TAOK3: variants seen among roughly 807,000 people sequenced by gnomAD.
TAOK3 encodes serine/threonine-protein kinase TAO3.
TAOK3 carries 40 observed loss-of-function variants against 120.4 expected under a neutral mutation model. The observed-to-expected ratio is 0.33, with a 90% confidence interval of 0.26 to 0.43. The LOEUF (loss-of-function observed/expected upper bound fraction) is 0.43. Ranked by LOEUF, TAOK3 falls within the 20% of genes least tolerant of loss-of-function variation. The pLI is 1.00. For synonymous variants in TAOK3, 355 were observed against 387.5 expected, an observed-to-expected ratio of 0.92 and a Z score of 0.99; for missense variants, 821 against 1,112.1, an observed-to-expected ratio of 0.74 and a Z score of 3.72.
chr12:118,273,687 A>C (rs1210267517), intron 1 of TAOK3, among the ~76,000 whole-genome samples: 9 of 151,832 alleles, frequency 5.9e-5, no homozygotes, highest in South Asian at 4.2e-4. Flanking sequence ...GTGGTGGCGC[A>C]TACCTATAAT....
chr12:118,255,982 G>A (rs979503133), intron 2 of TAOK3: 1 of 152,990 alleles, frequency 6.5e-6, no homozygotes, highest in Admixed American at 6.5e-5. Context: ...TACTAGGGAG[G>A]CTGAGGCAGG....
intron 1 of TAOK3, among the ~76,000 whole-genome samples, chr12:118,368,890 G>A (rs2045819192): frequency 6.6e-6 from 1 of 151,294 alleles, no homozygotes; most frequent in South Asian, 2.1e-4. Context: ...GAGGATAGTG[G>A]GTTTATGCCT....
chr12:118,177,351 T>C (rs922785038), intron 15 of TAOK3, 22 bp from the exon 16 acceptor site: 2 of 1,611,330 alleles, frequency 1.2e-6, no homozygotes, highest in African/African-American at 1.3e-5. Context: ...ACAAATACAA[T>C]GTAGGATGAA....
intron 3 of TAOK3, chr12:118,246,221 A>C: frequency 6.9e-7 from 1 of 1,452,252 alleles, no homozygotes; most frequent in East Asian, 2.4e-5. Flanking sequence ...GCCGGGGCCG[A>C]GGCCGCGGAG....
intron 5 of TAOK3, among the ~76,000 whole-genome samples, 177 bp from the exon 6 acceptor site, chr12:118,239,449 C>T (rs145361107): frequency 8.9e-4 from 135 of 152,272 alleles, no homozygotes; most frequent in African/African-American, 3.0e-3. Flanking sequence ...TTTTCATCAT[C>T]TCAGTTTTTA....
chr12:118,370,529 C>T (rs1445968205), intron 1 of TAOK3, among the ~76,000 whole-genome samples: 2 of 152,252 alleles, frequency 1.3e-5, no homozygotes, highest in East Asian at 1.9e-4. Flanking sequence ...CACTATTTTC[C>T]TAAAACCATC....
intron 9 of TAOK3, among the ~76,000 whole-genome samples, chr12:118,222,573 C>A (rs547515230): frequency 1.3e-5 from 2 of 151,562 alleles, no homozygotes; most frequent in South Asian, 4.2e-4. Context: ...TATATATACA[C>A]CATGGAGTAC....
intron 1 of TAOK3, among the ~76,000 whole-genome samples, chr12:118,367,482 C>T (rs1260089451): frequency 6.7e-6 from 1 of 149,832 alleles, no homozygotes; most frequent in Non-Finnish European, 1.5e-5. Flanking sequence ...CCCATAAATT[C>T]AACATAACTA....
chr12:118,317,550 G>T (rs573605545), intron 1 of TAOK3, among the ~76,000 whole-genome samples: 2 of 151,984 alleles, frequency 1.3e-5, no homozygotes, highest in Admixed American at 6.6e-5. Flanking sequence ...ACCTGCCTCG[G>T]CCTCCCAAAG....
chr12:118,264,126 C>G (rs536801902), intron 2 of TAOK3, among the ~76,000 whole-genome samples: 1 of 152,226 alleles, frequency 6.6e-6, no homozygotes, highest in Admixed American at 6.5e-5. Context: ...CTTTCATACA[C>G]TGCTGGTGGG....
intron 1 of TAOK3, among the ~76,000 whole-genome samples, chr12:118,347,881 T>C (rs1593644963): frequency 6.6e-6 from 1 of 152,238 alleles, no homozygotes; most frequent in African/African-American, 2.4e-5. Flanking sequence ...AATTTCTTTC[T>C]TCCTTTAAGT....
At chr12:118,370,688 G>A (rs1345408099) in intron 1 of TAOK3, among the ~76,000 whole-genome samples, 4 of 152,200 alleles carry the variant, frequency 2.6e-5, no homozygotes, top group Non-Finnish European at 4.4e-5. Context: ...AGTTTGAAAA[G>A]TAGGTAGGGC....
chr12:118,242,913 CTGTG>C (rs1227552471), intron 5 of TAOK3, among the ~76,000 whole-genome samples: 1 of 150,306 alleles, frequency 6.7e-6, no homozygotes, highest in Admixed American at 6.7e-5. Flanking sequence ...GTGTGTGTGT[CTGTG>C]TGTGTGTGCA....
At chr12:118,232,019 A>G (rs1025000102) in intron 9 of TAOK3, among the ~76,000 whole-genome samples, 15 of 152,218 alleles carry the variant, frequency 9.9e-5, no homozygotes, top group African/African-American at 3.4e-4. Flanking sequence ...AAATATGTAG[A>G]TAAAGGCAGT....
At chr12:118,274,592 GA>G (rs943942539) in intron 1 of TAOK3, among the ~76,000 whole-genome samples, 14 of 152,176 alleles carry the variant, frequency 9.2e-5, no homozygotes, top group Admixed American at 7.9e-4. Context: ...AGACAGATGG[GA>G]AAGTAGAGGC....
In TAOK3 at chr12:118,160,893, C is replaced by G. The variant is rs573740023; in HGVS notation, c.2140-535G>C. ...TGGTACCTTATATCCTAACGCATTT[C>G]TACTGGATTTCAGCGTAAACTGAGA... On this transcript the variant is annotated intron_variant, in intron 18 of 20. Coordinates refer to ENST00000392533, the MANE Select transcript of TAOK3 (RefSeq NM_016281.4). This position sits in a 1 kb window ranked among gnomAD's most constrained non-coding sequence, Gnocchi z 4.2. 9.9e-4 allele frequency among the ~76,000 whole-genome samples: 151 copies of G among 152,310 alleles called. 2 individuals are homozygous for G. Among genetic ancestry groups the G allele is most frequent in the Admixed American group, 2.0e-3 (30 of 15,296 alleles).
rs2139496015 is a variant in TAOK3 at position 118,214,094 on chromosome 12, G to A, written c.660C>T (p.Pro220=). The change falls in exon 10 of 21, where the codon CCC becomes CCT. Residue 220 remains proline, a synonymous_variant. Transcript: ENST00000392533. ...CACTCATTGCATTCATGTTGAAAAG[G>A]GGCGGCTTCCGTTCCGCTGGAAGAG... ...TCIELAERKP[P]LFNMNAMSAL... 2 of 1,609,312 alleles carry A rather than the reference G, an allele frequency of 1.2e-6. No homozygotes were observed. Among genetic ancestry groups the A allele is most frequent in the East Asian group, 2.2e-5 (1 of 44,648 alleles).
intron 17 of TAOK3, among the ~76,000 whole-genome samples, chr12:118,170,138 T>G (rs2035907648): frequency 6.6e-6 from 1 of 151,974 alleles, no homozygotes; most frequent in African/African-American, 2.4e-5. Flanking sequence ...TTCCTGCTAC[T>G]AGTCTCTTCT....
chr12:118,210,590 T>A (rs892517139), intron 11 of TAOK3, among the ~76,000 whole-genome samples: 2 of 152,180 alleles, frequency 1.3e-5, no homozygotes, highest in Non-Finnish European at 2.9e-5. Flanking sequence ...TCTTCATGCA[T>A]GTATCTGCTT....
Sources: allele counts gnomAD v4.1 joint callset (sites outside exome capture counted in the v4.1 genomes callset), GRCh38; gene constraint gnomAD v4.1.1; non-coding constraint Gnocchi (gnomAD v3.1); transcripts MANE v1.5; gene names NCBI Gene and HGNC (gene_info 2026-07-23, HGNC 2026-07-21).